PTBP2: variants seen among roughly 807,000 people sequenced by gnomAD.
PTBP2 encodes polypyrimidine tract-binding protein 2.
Under a neutral mutation model 61.4 loss-of-function variants are expected in PTBP2, and 13 were observed. The ratio of observed to expected loss-of-function variants is 0.21; its 90% CI spans 0.14 to 0.34. The LOEUF is 0.34. Among genes scored for constraint, PTBP2 ranks in the 10% least tolerant of loss-of-function variants. The pLI is 1.00. For synonymous variants in PTBP2, 215 were observed against 218.5 expected (o/e 0.98, Z 0.14); for missense variants, 405 against 642.6 (o/e 0.63, Z 4.00).
intron 7 of PTBP2, among the ~76,000 whole-genome samples, chr1:96,784,378 A>C (rs1019930945): frequency 6.6e-6 from 1 of 152,076 alleles, no homozygotes; most frequent in Non-Finnish European, 1.5e-5. Context: ...GAGGTCAAAT[A>C]ACTTGCTTAA....
chr1:96,755,744 C>T (rs896383352), intron 3 of PTBP2, among the ~76,000 whole-genome samples: 1 of 152,088 alleles, frequency 6.6e-6, no homozygotes, highest in South Asian at 2.1e-4. Flanking sequence ...AAGACTACAT[C>T]CTGTATGATT....
rs200821492 is a variant in PTBP2, at chr1:96,761,118, C to T, written c.116-8585C>T. Among the ~76,000 whole-genome samples, 17 of 152,114 alleles carry T rather than the reference C, an allele frequency of 1.1e-4. No individual in the cohort carries two copies. In the East Asian group the frequency reaches 2.1e-3, roughly 19 times the overall value. ...GATCATTAATTTTTTGTTTAGAAACCAGAATGTTGGAGATTAACAGAAAGG... is the reference window on the plus strand; with the variant it reads ...GATCATTAATTTTTTGTTTAGAAACTAGAATGTTGGAGATTAACAGAAAGG... On this transcript the variant is annotated intron_variant, in intron 3 of 13. Coordinates refer to ENST00000674951, the MANE Select transcript of PTBP2 (RefSeq NM_021190.4).
intron 5 of PTBP2, among the ~76,000 whole-genome samples, chr1:96,773,497 T>G (rs2101025651): frequency 6.6e-6 from 1 of 152,302 alleles, no homozygotes; most frequent in East Asian, 1.9e-4. Flanking sequence ...ATGTTTATCT[T>G]GTTCTCATTC....
intron 11 of PTBP2, among the ~76,000 whole-genome samples, chr1:96,807,880 A>C (rs1661653389): frequency 6.6e-6 from 1 of 152,174 alleles, no homozygotes; most frequent in Admixed American, 6.5e-5. Flanking sequence ...TGTTTTAAAG[A>C]GATACGAAAG....
intron 3 of PTBP2, among the ~76,000 whole-genome samples, chr1:96,758,820 G>A (rs1041641612): frequency 6.6e-6 from 1 of 152,002 alleles, no homozygotes; most frequent in South Asian, 2.1e-4. Context: ...ATTAAGGCAG[G>A]TGAAATAAAA....
chr1:96,749,540 T>C (rs1378607651), intron 2 of PTBP2: 3 of 409,850 alleles, frequency 7.3e-6, no homozygotes, highest in South Asian at 1.7e-5. Context: ...GAATATCTGA[T>C]CTGGACTTCT....
rs1386791018 is a variant in PTBP2 at position 96,748,643 on chromosome 1, TC to T, written c.40-2781del. 3.3e-5 allele frequency among the ~76,000 whole-genome samples: 5 copies of T among 152,196 alleles called. No homozygotes were observed. In the South Asian group the frequency reaches 1.0e-3, roughly 32 times the overall value. On this transcript the variant is annotated intron_variant, in intron 2 of 13. Coordinates refer to ENST00000674951, the MANE Select transcript of PTBP2 (RefSeq NM_021190.4). ...TAGTTGAATCTAAAATTGATATCAT[TC>T]TTAGATTAATTAAAAATTTTTTAAA... is the stretch of plus-strand genomic sequence containing the variant.
chr1:96,812,982 A>G, intron 12 of PTBP2, 47 bp from the exon 13 acceptor site: 2 of 1,594,212 alleles, frequency 1.3e-6, no homozygotes, highest in Non-Finnish European at 1.7e-6. Context: ...ATAAAATATG[A>G]AATTTATTCT....
At chr1:96,728,969 T>C (rs1467248846) in intron 2 of PTBP2, among the ~76,000 whole-genome samples, 5 of 152,226 alleles carry the variant, frequency 3.3e-5, no homozygotes. Context: ...GGCATATTGC[T>C]CATATGTTCT....
chr1:96,756,292 AG>A (rs1230107109), intron 3 of PTBP2, among the ~76,000 whole-genome samples: 1 of 152,182 alleles, frequency 6.6e-6, no homozygotes, highest in Non-Finnish European at 1.5e-5. Context: ...CCAGCCACTC[AG>A]GAGGCTGAAG....
At chr1:96,755,851 CA>C (rs1396101770) in intron 3 of PTBP2, among the ~76,000 whole-genome samples, 1 of 152,030 alleles carries the variant, frequency 6.6e-6, no homozygotes, top group Admixed American at 6.5e-5. Flanking sequence ...GGAGGGGTGG[CA>C]AAGGGACACA....
At chr1:96,786,496 C>G (rs564553506) in intron 8 of PTBP2, among the ~76,000 whole-genome samples, 2 of 152,268 alleles carry the variant, frequency 1.3e-5, no homozygotes, top group East Asian at 3.9e-4. Context: ...TTGAATATTT[C>G]ACAGTGTGCA....
chr1:96,785,599 T>G (rs938926059), intron 8 of PTBP2, among the ~76,000 whole-genome samples: 3 of 152,204 alleles, frequency 2.0e-5, no homozygotes, highest in Admixed American at 6.5e-5. Context: ...TGCCTGAGTC[T>G]AGGCCTAAAG....
chr1:96,787,322 G>A (rs1297268355), intron 8 of PTBP2, among the ~76,000 whole-genome samples: 1 of 152,094 alleles, frequency 6.6e-6, no homozygotes, highest in African/African-American at 2.4e-5. Context: ...ATGCCTGGCC[G>A]CTTTTGTTCA....
At chr1:96,807,305 G>A (rs1231137614) in intron 11 of PTBP2, among the ~76,000 whole-genome samples, 3 of 152,144 alleles carry the variant, frequency 2.0e-5, no homozygotes. Context: ...ACAGTCCATA[G>A]AATCCTTCTT....
At chr1:96,737,566 T>G (rs1652403739) in intron 2 of PTBP2, among the ~76,000 whole-genome samples, 1 of 152,214 alleles carries the variant, frequency 6.6e-6, no homozygotes, top group South Asian at 2.1e-4. Flanking sequence ...GGGCAAAATT[T>G]TCTTGTCTGG....
intron 2 of PTBP2, among the ~76,000 whole-genome samples, chr1:96,726,144 C>G (rs1286702778): frequency 1.5e-5 from 2 of 132,256 alleles, no homozygotes; most frequent in Non-Finnish European, 3.2e-5. Context: ...TTTGCTATTT[C>G]TTAGGTGTAG....
chr1:96,770,750 G>A lies in PTBP2; in HGVS notation c.331G>A (p.Val111Ile), dbSNP rs770279209. The A allele has an allele frequency of 1.2e-6, 2 of 1,611,914 alleles. No homozygotes were observed. The highest frequency in any genetic ancestry group is 1.7e-4 in the Middle Eastern group (1 of 6,052). ...AACCGAGGAAGCAGCTATTACTATG[G>A]TTAATTACTATTCTGCTGTGACACC... ...LATEEAAITM[V>I]NYYSAVTPHL... is the part of the protein sequence containing the mutation. The change falls in exon 5 of 14, where the codon GTT becomes ATT. Residue 111 changes from valine (V) to isoleucine (I), a missense_variant. Coordinates refer to ENST00000674951, the MANE Select transcript of PTBP2 (RefSeq NM_021190.4).
intron 7 of PTBP2, among the ~76,000 whole-genome samples, chr1:96,778,981 A>G (rs925452985): frequency 6.6e-6 from 1 of 152,144 alleles, no homozygotes; most frequent in Non-Finnish European, 1.5e-5. Flanking sequence ...TATATTGTCA[A>G]CAAAACAGGG....
Sources: gnomAD v4.1 joint callset for allele counts (sites outside exome capture counted in the v4.1 genomes callset) on GRCh38, gnomAD v4.1.1 for gene constraint, MANE v1.5 for transcripts, NCBI Gene and HGNC (gene_info 2026-07-23, HGNC 2026-07-21) for gene names.